The following ELMO1 variants were observed in gnomAD, a reference collection of about 807,000 sequenced individuals.
ELMO1 encodes engulfment and cell motility protein 1.
A neutral mutation model predicts 98.9 loss-of-function variants in ELMO1; 26 were observed. The ratio of observed to expected loss-of-function variants is 0.26; its 90% CI spans 0.19 to 0.36. The LOEUF (loss-of-function observed/expected upper bound fraction) is 0.36, where lower values mean the gene tolerates loss of function less well. Among genes scored for constraint, ELMO1 ranks in the 10% least tolerant of loss-of-function variants. ELMO1 has a pLI of 1.00. For synonymous variants in ELMO1, 346 were observed against 346.0 expected, an observed-to-expected ratio of 1.00 and a Z score of 0.00; for missense variants, 627 against 935.2, an observed-to-expected ratio of 0.67 and a Z score of 4.30.
In ELMO1 at chr7:37,193,008, T is replaced by TAC. The variant is rs10592735; in HGVS notation, c.1086+18376_1086+18377dup. Among the ~76,000 whole-genome samples the TAC allele has an allele frequency of 9.0e-3, 1,120 of 124,454 alleles. 4 individuals carry two copies. The highest frequency in any genetic ancestry group is 0.015 in the African/African-American group (470 of 30,698). The allele number at this position is 124,454 out of a possible 152,430, so 81.6% of individuals were successfully genotyped here. On this transcript the variant is annotated intron_variant, in intron 13 of 21. Coordinates refer to ENST00000310758, the MANE Select transcript of ELMO1 (RefSeq NM_014800.11). ...ATATATATATATATATATATATATA[T>TAC]ACACACACACACATTTAAAGAGTGG... is the stretch of plus-strand genomic sequence containing the variant.
chr7:37,141,707 G>A (rs942615115), intron 13 of ELMO1, among the ~76,000 whole-genome samples: 9 of 152,060 alleles, frequency 5.9e-5, no homozygotes, highest in East Asian at 5.8e-4. Context: ...TTTTGTCCCT[G>A]GATAAACAGC....
At chr7:37,308,993 G>T (rs1318876781) in intron 4 of ELMO1, among the ~76,000 whole-genome samples, 1 of 152,206 alleles carries the variant, frequency 6.6e-6, no homozygotes, top group African/African-American at 2.4e-5. Flanking sequence ...ACAGGAAGAA[G>T]AGGCAGCACA....
chr7:37,051,831 C>T (rs1298321636), intron 15 of ELMO1, among the ~76,000 whole-genome samples: 1 of 152,118 alleles, frequency 6.6e-6, no homozygotes, highest in African/African-American at 2.4e-5. Context: ...CTGCTCTGCC[C>T]CAAATGTGGC....
At chr7:37,154,046 C>T (rs1288915390) in intron 13 of ELMO1, among the ~76,000 whole-genome samples, 9 of 152,072 alleles carry the variant, frequency 5.9e-5, no homozygotes, top group South Asian at 2.1e-4. Context: ...TCCAGCAAAC[C>T]GCAACAGACC....
At chr7:37,095,929 C>T (rs2129255844) in intron 15 of ELMO1, among the ~76,000 whole-genome samples, 1 of 152,230 alleles carries the variant, frequency 6.6e-6, no homozygotes, top group Non-Finnish European at 1.5e-5. Context: ...GGAAGTAAAC[C>T]ACTTTAAGAA....
At chr7:37,264,303 GAATA>G (rs2130817574) in intron 5 of ELMO1, among the ~76,000 whole-genome samples, 1 of 134,308 alleles carries the variant, frequency 7.4e-6, no homozygotes, top group Non-Finnish European at 1.6e-5. Flanking sequence ...ATGCATAAAT[GAATA>G]TATATATGAA....
At chr7:37,217,742 G>T (rs1292137812) in intron 10 of ELMO1, 5 of 457,006 alleles carry the variant, frequency 1.1e-5, no homozygotes, top group Non-Finnish European at 2.2e-5. Context: ...TGTCAACATT[G>T]CTCTCTACAT....
chr7:37,436,094 TA>T (rs1265541148), intron 1 of ELMO1, among the ~76,000 whole-genome samples: 6 of 152,222 alleles, frequency 3.9e-5, no homozygotes, highest in Non-Finnish European at 5.9e-5. Context: ...CCCTCATCTG[TA>T]AAATGGGTAC....
chr7:37,131,475 A>C (rs959625582), intron 14 of ELMO1, among the ~76,000 whole-genome samples: 1 of 152,240 alleles, frequency 6.6e-6, no homozygotes, highest in Non-Finnish European at 1.5e-5. Context: ...CTTCTTATGC[A>C]ATTAACAATA....
At chr7:37,380,048 C>T (rs1802520432) in intron 1 of ELMO1, among the ~76,000 whole-genome samples, 1 of 152,164 alleles carries the variant, frequency 6.6e-6, no homozygotes, top group Non-Finnish European at 1.5e-5. Flanking sequence ...TGAATATGCA[C>T]AGGATTTCCC....
intron 15 of ELMO1, among the ~76,000 whole-genome samples, chr7:37,084,865 T>C (rs1783678438): frequency 6.6e-6 from 1 of 151,974 alleles, no homozygotes. Context: ...CAGGCGATTC[T>C]CCAGCCTCAG....
chr7:37,326,134 C>A (rs1420879828), intron 2 of ELMO1, among the ~76,000 whole-genome samples: 1 of 152,172 alleles, frequency 6.6e-6, no homozygotes, highest in Non-Finnish European at 1.5e-5. Flanking sequence ...TCTTGGAAAG[C>A]AAGTATTCTG....
intron 13 of ELMO1, among the ~76,000 whole-genome samples, chr7:37,177,963 G>A (rs1027165888): frequency 3.9e-5 from 6 of 152,056 alleles, no homozygotes; most frequent in African/African-American, 1.4e-4. Context: ...GCATGATTCA[G>A]GAGGGAGTTA....
intron 13 of ELMO1, among the ~76,000 whole-genome samples, chr7:37,202,169 G>A (rs139335341): frequency 1.4e-3 from 214 of 152,204 alleles, no homozygotes; most frequent in African/African-American, 4.7e-3. Flanking sequence ...TTTACTTTTA[G>A]GTTTATGGGT....
At chr7:37,061,508 A>C (rs895714856) in intron 15 of ELMO1, among the ~76,000 whole-genome samples, 3 of 152,004 alleles carry the variant, frequency 2.0e-5, no homozygotes, top group Non-Finnish European at 4.4e-5. Context: ...CCTCACTCCC[A>C]CCCGTCCTTT....
chr7:37,361,521 G>C, intron 1 of ELMO1, among the ~76,000 whole-genome samples: 1 of 152,120 alleles, frequency 6.6e-6, no homozygotes, highest in East Asian at 1.9e-4. Flanking sequence ...AGACCATCCC[G>C]CCTGTAAGCC....
At chr7:36,954,466 G>A (rs1422232746) in intron 16 of ELMO1, among the ~76,000 whole-genome samples, 2 of 152,192 alleles carry the variant, frequency 1.3e-5, no homozygotes, top group African/African-American at 4.8e-5. Flanking sequence ...AATGTGATGG[G>A]AGACTGCAGT....
At chr7:37,160,331 G>T (rs1230073961) in intron 13 of ELMO1, among the ~76,000 whole-genome samples, 1 of 152,158 alleles carries the variant, frequency 6.6e-6, no homozygotes, top group Non-Finnish European at 1.5e-5. Context: ...AATATTAATA[G>T]GAACATTTCA....
intron 13 of ELMO1, among the ~76,000 whole-genome samples, chr7:37,177,626 AG>A (rs1790565235): frequency 6.6e-6 from 1 of 151,972 alleles, no homozygotes. Context: ...TGTGTTCAAG[AG>A]GACACTACTT....
Sources: allele counts gnomAD v4.1 joint callset (sites outside exome capture counted in the v4.1 genomes callset), GRCh38; gene constraint gnomAD v4.1.1; transcripts MANE v1.5; gene names NCBI Gene and HGNC (gene_info 2026-07-23, HGNC 2026-07-21).